MIX23: variants seen among roughly 807,000 people sequenced by gnomAD.
The protein encoded by MIX23 is mitochondrial matrix import factor 23.
Under a neutral mutation model 21.6 loss-of-function variants are expected in MIX23, and 13 were observed. The observed-to-expected ratio is 0.60, with a 90% CI of 0.39 to 0.96. The LOEUF is 0.96. Among genes scored for constraint, MIX23 ranks in the 40% least tolerant of loss-of-function variants. The probability of loss-of-function intolerance (pLI) is 0.00; values close to 1 mark genes in which losing one functional copy is unlikely to be tolerated. For synonymous variants in MIX23, 59 were observed against 58.0 expected (o/e 1.02, Z -0.08); for missense variants, 144 against 171.2 (o/e 0.84, Z 0.89).
chr3:122,371,269 A>G (rs1246680340), intron 2 of MIX23, among the ~76,000 whole-genome samples: 8 of 152,242 alleles, frequency 5.3e-5, no homozygotes, highest in Admixed American at 5.2e-4. Context: ...TGAGAAAAAG[A>G]AGGTTTAAAG....
chr3:122,360,031 TCAAC>T, intron 4 of MIX23, 112 bp from the exon 5 acceptor site: 4 of 1,059,062 alleles, frequency 3.8e-6, no homozygotes, highest in Non-Finnish European at 5.6e-6. Context: ...TTGTCCTAAG[TCAAC>T]AGATTTAGGA....
At chr3:122,371,948 G>A in intron 1 of MIX23, 148 bp from the exon 2 acceptor site, 1 of 647,528 alleles carries the variant, frequency 1.5e-6, no homozygotes, top group South Asian at 2.0e-5. Context: ...GCAACCATAA[G>A]AAAATGTTCA....
chr3:122,363,958 AG>A (rs2075378133), intron 3 of MIX23, among the ~76,000 whole-genome samples: 1 of 152,202 alleles, frequency 6.6e-6, no homozygotes. Flanking sequence ...CATGAACTAT[AG>A]GTTGATGCCA....
chr3:122,376,658 T>C (rs868062882), intron 1 of MIX23, among the ~76,000 whole-genome samples: 5 of 152,132 alleles, frequency 3.3e-5, no homozygotes, highest in Non-Finnish European at 5.9e-5. Context: ...TGAAATCATG[T>C]CCTTTGCAGC....
chr3:122,372,987 G>T, intron 1 of MIX23: 1 of 418,886 alleles, frequency 2.4e-6, no homozygotes, highest in East Asian at 7.5e-5. Flanking sequence ...TCTTACCTTT[G>T]CCAAACTTAA....
chr3:122,374,825 A>G (rs1419643670), intron 1 of MIX23, among the ~76,000 whole-genome samples: 1 of 152,260 alleles, frequency 6.6e-6, no homozygotes, highest in Non-Finnish European at 1.5e-5. Flanking sequence ...ACTAAAAAGT[A>G]CTATGAAAAA....
At chr3:122,379,271 G>C (rs2075512142) in intron 1 of MIX23, among the ~76,000 whole-genome samples, 1 of 152,204 alleles carries the variant, frequency 6.6e-6, no homozygotes, top group African/African-American at 2.4e-5. Context: ...ATAGGAACCT[G>C]TTGAGAACAG....
chr3:122,367,834 G>A (rs950589978), intron 3 of MIX23: 1 of 316,306 alleles, frequency 3.2e-6, no homozygotes, highest in Non-Finnish European at 6.0e-6. Context: ...GGCAGATACT[G>A]TACAGATGTG....
intron 4 of MIX23, among the ~76,000 whole-genome samples, chr3:122,360,163 G>GA (rs142656061): frequency 0.028 from 4,252 of 152,104 alleles, 207 homozygotes; most frequent in African/African-American, 0.097. Flanking sequence ...GTTACTTCGG[G>GA]AAAAAATCAT....
At chr3:122,382,237 G>A (rs1393907820) in intron 1 of MIX23, among the ~76,000 whole-genome samples, 1 of 152,232 alleles carries the variant, frequency 6.6e-6, no homozygotes, top group African/African-American at 2.4e-5. Context: ...ACTCACGCCT[G>A]TAATCCCAAC....
intron 1 of MIX23, among the ~76,000 whole-genome samples, chr3:122,381,873 A>G (rs1258250119): frequency 6.6e-6 from 1 of 152,160 alleles, no homozygotes; most frequent in Non-Finnish European, 1.5e-5. Context: ...CCTTACTATA[A>G]CTAATTCTGA....
At chr3:122,377,110 C>T (rs28644171) in intron 1 of MIX23, among the ~76,000 whole-genome samples, 4,237 of 152,184 alleles carry the variant, frequency 0.028, 205 homozygotes, top group African/African-American at 0.096. Flanking sequence ...GAACCCAGCA[C>T]GCAGAGGTTG....
In MIX23 at chr3:122,371,738, A is replaced by G. The variant is rs1288782936; in HGVS notation, c.114T>C (p.Val38=). The change falls in exon 2 of 5, where the codon GTT becomes GTC. Residue 38 remains valine (V), a synonymous_variant. Coordinates refer to ENST00000291458, the MANE Select transcript of MIX23 (RefSeq NM_001017928.4). The part of the protein sequence containing the change: ...DRIVHELNTT[V]PTASFAGKID... Reference sequence around the variant, plus strand: ...TTTTCCCTGCAAAGGAAGCTGTTGGAACCGTAGTGTTTAATTCATGTACTA... The same window carrying G: ...TTTTCCCTGCAAAGGAAGCTGTTGGGACCGTAGTGTTTAATTCATGTACTA... 13 of 1,611,838 alleles carry G rather than the reference A, an allele frequency of 8.1e-6. No individual in the cohort carries two copies.
chr3:122,359,999 C>T (rs1048959441), intron 4 of MIX23, 80 bp from the exon 5 acceptor site: 7 of 1,309,116 alleles, frequency 5.3e-6, no homozygotes, highest in African/African-American at 4.5e-5. Flanking sequence ...ATTTAGTAGG[C>T]TCCAAAAGGC....
At chr3:122,378,756 T>C (rs2075508033) in intron 1 of MIX23, among the ~76,000 whole-genome samples, 1 of 152,236 alleles carries the variant, frequency 6.6e-6, no homozygotes, top group Admixed American at 6.5e-5. Flanking sequence ...ATGTGGAGCA[T>C]GACTCTGTAT....
chr3:122,380,253 T>C (rs1390780150), intron 1 of MIX23, among the ~76,000 whole-genome samples: 1 of 152,192 alleles, frequency 6.6e-6, no homozygotes, highest in Admixed American at 6.5e-5. Context: ...AGTAATGTCA[T>C]TGGTACTTGA....
chr3:122,372,466 C>T (rs141278821), intron 1 of MIX23, among the ~76,000 whole-genome samples: 55 of 152,074 alleles, frequency 3.6e-4, no homozygotes, highest in African/African-American at 1.3e-3. Context: ...CTCAAATTTA[C>T]AAAATATTCA....
intron 3 of MIX23, 117 bp from the exon 4 acceptor site, chr3:122,363,144 G>T: frequency 1.3e-6 from 1 of 756,486 alleles, no homozygotes; most frequent in Non-Finnish European, 2.1e-6. Flanking sequence ...ACCTGCTACT[G>T]CTCTAGTATT....
intron 3 of MIX23, among the ~76,000 whole-genome samples, chr3:122,364,914 A>C (rs1238932875): frequency 6.6e-6 from 1 of 152,202 alleles, no homozygotes; most frequent in African/African-American, 2.4e-5. Flanking sequence ...GACTTTTCAG[A>C]ACAATTAATA....
Sources: allele counts gnomAD v4.1 joint callset (sites outside exome capture counted in the v4.1 genomes callset), GRCh38; gene constraint gnomAD v4.1.1; transcripts MANE v1.5; gene names NCBI Gene and HGNC (gene_info 2026-07-23, HGNC 2026-07-21).